The following FAT3 variants were observed in gnomAD, a reference collection of about 807,000 sequenced individuals.
The protein encoded by FAT3 is FAT atypical cadherin 3.
FAT3 carries 95 observed loss-of-function variants against 310.2 expected under a neutral mutation model. The observed-to-expected ratio is 0.31, with a 90% CI of 0.26 to 0.36. The LOEUF is 0.36. FAT3 is among the 10% of genes least tolerant of loss of function. FAT3 has a pLI of 1.00. For missense variants in FAT3, 5,408 were observed against 5,715.6 expected (o/e 0.95, Z 1.74); for synonymous variants, 2,314 against 2,192.9 (o/e 1.06, Z -1.54).
intron 19 of FAT3, among the ~76,000 whole-genome samples, chr11:92,855,815 T>A (rs1346784446): frequency 6.6e-6 from 1 of 152,220 alleles, no homozygotes; most frequent in Non-Finnish European, 1.5e-5. Context: ...CTTTTATGAC[T>A]GAGCTGTAAA....
chr11:92,625,642 G>A (rs1203384116), intron 3 of FAT3, among the ~76,000 whole-genome samples: 2 of 152,060 alleles, frequency 1.3e-5, no homozygotes, highest in Non-Finnish European at 2.9e-5. Flanking sequence ...TTTCCCCAAA[G>A]TTGTCATTGG....
intron 1 of FAT3, among the ~76,000 whole-genome samples, chr11:92,250,428 C>T (rs890557203): frequency 1.4e-4 from 21 of 152,162 alleles, no homozygotes; most frequent in African/African-American, 4.3e-4. Context: ...AAGGCCTATG[C>T]AGTTGTACAA....
chr11:92,755,877 C>A (rs747191885), intron 4 of FAT3, among the ~76,000 whole-genome samples: 2 of 152,118 alleles, frequency 1.3e-5, no homozygotes, highest in Non-Finnish European at 2.9e-5. Context: ...TTTGGTTGAT[C>A]TCCCAGTTTG....
chr11:92,449,802 G>C (rs1054265668), intron 2 of FAT3, among the ~76,000 whole-genome samples: 23 of 152,152 alleles, frequency 1.5e-4, no homozygotes, highest in African/African-American at 5.6e-4. Flanking sequence ...TCAGCCTCCA[G>C]AATTCAAAAC....
chr11:92,271,231 A>G (rs1041900894), intron 1 of FAT3, among the ~76,000 whole-genome samples: 1 of 152,086 alleles, frequency 6.6e-6, no homozygotes, highest in African/African-American at 2.4e-5. Flanking sequence ...TAGCCTCAAG[A>G]TTCCATGCCT....
chr11:92,516,915 A>C (rs2135332336), intron 2 of FAT3, among the ~76,000 whole-genome samples: 1 of 152,212 alleles, frequency 6.6e-6, no homozygotes, highest in Admixed American at 6.5e-5. Context: ...TAAAATACAC[A>C]ACTGACAAGG....
intron 3 of FAT3, among the ~76,000 whole-genome samples, chr11:92,624,535 G>A (rs376336030): frequency 2.6e-5 from 4 of 152,210 alleles, no homozygotes; most frequent in African/African-American, 9.6e-5. Context: ...AGAATTGGCA[G>A]GTGGCGAAAT....
At chr11:92,861,642 G>A (rs150723441) in intron 21 of FAT3, among the ~76,000 whole-genome samples, 1 of 152,218 alleles carries the variant, frequency 6.6e-6, no homozygotes, top group African/African-American at 2.4e-5. Context: ...TCATATGTTG[G>A]GTTTGCCTAA....
chr11:92,407,063 C>T (rs1950150430), intron 2 of FAT3, among the ~76,000 whole-genome samples: 1 of 152,190 alleles, frequency 6.6e-6, no homozygotes. Flanking sequence ...TAAGGTGAAA[C>T]TCAATTGTTC....
At chr11:92,741,602 C>T (rs1192780811) in intron 4 of FAT3, among the ~76,000 whole-genome samples, 2 of 152,086 alleles carry the variant, frequency 1.3e-5, no homozygotes, top group East Asian at 1.9e-4. Context: ...CAGTAGTCAC[C>T]TTGAATTTAT....
intron 2 of FAT3, among the ~76,000 whole-genome samples, chr11:92,497,472 T>C (rs1223815780): frequency 6.6e-6 from 1 of 152,052 alleles, no homozygotes; most frequent in Non-Finnish European, 1.5e-5. Context: ...ATTTTTCTCT[T>C]TTAATTTTCT....
intron 3 of FAT3, among the ~76,000 whole-genome samples, chr11:92,589,913 G>A (rs1395471870): frequency 1.3e-5 from 2 of 152,068 alleles, no homozygotes; most frequent in African/African-American, 2.4e-5. Flanking sequence ...CTCATGTAAT[G>A]AGTAAACCAA....
At position 92,561,905 on chromosome 11, in the gene FAT3, C is replaced by T. The variant is rs139994143; in HGVS notation, c.3607+36957C>T. ...CCTCCCAAAGTGCTGGGATTACAGG[C>T]GTGAACCACCATGCCTGGCCTACCA... On this transcript the variant is annotated intron_variant, in intron 3 of 27. Transcript: ENST00000525166. Among the ~76,000 whole-genome samples, 133 of 152,240 alleles carry T rather than the reference C, an allele frequency of 8.7e-4. No individual in the cohort carries two copies. In the East Asian group the frequency reaches 0.011, roughly 13 times the overall value.
At chr11:92,451,611 G>T (rs1042346972) in intron 2 of FAT3, among the ~76,000 whole-genome samples, 1 of 152,122 alleles carries the variant, frequency 6.6e-6, no homozygotes, top group Non-Finnish European at 1.5e-5. Context: ...GCAGTATTTG[G>T]ATGTTCCTTT....
chr11:92,894,727 CATGAAATGCCAT>C lies in FAT3; in HGVS notation c.*3617_*3628del, dbSNP rs1949989804. On this transcript the variant is annotated 3_prime_UTR_variant, in exon 28 of 28. Coordinates refer to ENST00000525166, the MANE Select transcript of FAT3 (RefSeq NM_001367949.2). ...TCCATGTACCCTTGGCCTGCCTATTCATGAAATGCCATATAAAAGACTTAGGAACATGAGTAG... is the reference window on the plus strand; with the variant it reads ...TCCATGTACCCTTGGCCTGCCTATTCATAAAAGACTTAGGAACATGAGTAG... The C allele has an allele frequency of 6.6e-6, 1 of 152,186 alleles. No individual in the cohort carries two copies. Among genetic ancestry groups the C allele is most frequent in the South Asian group, 2.1e-4 (1 of 4,830 alleles). 9.4% of individuals were successfully genotyped at this position (152,186 alleles called of 1,614,324 possible). A position where few individuals can be genotyped will look rare whatever the true frequency, so the allele number is the denominator to read the frequency against.
At position 92,800,492 on chromosome 11, in the gene FAT3, C is replaced by A. The variant is rs1167864129; in HGVS notation, c.7479C>A (p.Ser2493Arg). 1 of 1,613,954 alleles carries A rather than the reference C, an allele frequency of 6.2e-7. No homozygotes were observed. Among genetic ancestry groups the A allele is most frequent in the Non-Finnish European group, 8.5e-7 (1 of 1,179,870 alleles). ...HIRVLGANLYSPAFSQSTYVA... is the reference protein window; with the variant it reads ...HIRVLGANLYRPAFSQSTYVA... The stretch of plus-strand genomic sequence containing the variant: ...GGGTACTTGGGGCTAACTTGTACAG[C>A]CCTGCCTTTTCACAAAGCACATACG... Residue 2493 changes from serine to arginine, a missense_variant, in exon 10 of 28, where the codon AGC (serine) becomes AGA (arginine). This residue lies in a region of FAT3 where 4,588 missense variants were observed against 4,809.8 expected (regional missense o/e 0.95). Coordinates refer to ENST00000525166, the MANE Select transcript of FAT3 (RefSeq NM_001367949.2).
At chr11:92,331,494 A>G (rs1947923390) in intron 1 of FAT3, among the ~76,000 whole-genome samples, 1 of 152,012 alleles carries the variant, frequency 6.6e-6, no homozygotes, top group Non-Finnish European at 1.5e-5. Context: ...GTGGAGTGTT[A>G]TTTTAGCAGT....
At chr11:92,757,143 C>G (rs568165144) in intron 4 of FAT3, among the ~76,000 whole-genome samples, 2 of 151,924 alleles carry the variant, frequency 1.3e-5, no homozygotes, top group Admixed American at 1.3e-4. Context: ...AGGCTGGTCT[C>G]GAACTCCCGA....
intron 3 of FAT3, among the ~76,000 whole-genome samples, chr11:92,539,782 C>CA (rs1369770737): frequency 2.0e-5 from 3 of 152,062 alleles, no homozygotes; most frequent in Admixed American, 6.5e-5. Flanking sequence ...ATAACACACA[C>CA]AAAAAAGATT....
Sources: gnomAD v4.1 joint callset for allele counts (sites outside exome capture counted in the v4.1 genomes callset) on GRCh38, gnomAD v4.1.1 for gene constraint, gnomAD v4.1.1 regional missense constraint, MANE v1.5 for transcripts, NCBI Gene and HGNC (gene_info 2026-07-23, HGNC 2026-07-21) for gene names.